Variants in ADCK1 observed in about 807,000 individuals in gnomAD.
ADCK1 encodes the protein aarF domain containing kinase 1.
Under a neutral mutation model 52.3 loss-of-function variants are expected in ADCK1, and 41 were observed. The observed-to-expected ratio is 0.78, with a 90% CI of 0.61 to 1.02. The LOEUF (loss-of-function observed/expected upper bound fraction) is 1.02. Among genes scored for constraint, ADCK1 ranks in the 50% least tolerant of loss-of-function variants. The probability of loss-of-function intolerance (pLI) is 0.00; values close to 1 mark genes in which losing one functional copy is unlikely to be tolerated. For missense variants in ADCK1, 658 were observed against 679.5 expected, an observed-to-expected ratio of 0.97 and a Z score of 0.35; for synonymous variants, 250 against 274.6, an observed-to-expected ratio of 0.91 and a Z score of 0.89.
At chr14:77,813,930 G>C (rs2081386971) in intron 1 of ADCK1, among the ~76,000 whole-genome samples, 1 of 151,800 alleles carries the variant, frequency 6.6e-6, no homozygotes, top group South Asian at 2.1e-4. Flanking sequence ...ACAACACCCG[G>C]CTAACTTTTG....
Position 77,808,606 on chromosome 14 carries a change from G to A in ADCK1, c.-12+8436G>A, listed in dbSNP as rs570784551. Among the ~76,000 whole-genome samples the A allele has an allele frequency of 9.9e-5, 15 of 152,232 alleles. 1 individual carries two copies. The East Asian group carries it at 1.9e-3, about 20-fold the overall frequency. On this transcript the variant is annotated intron_variant, in intron 1 of 10. Coordinates refer to ENST00000238561, the MANE Select transcript of ADCK1 (RefSeq NM_020421.4). ...TTAATTTATTTTGAGACAGGGTTTC[G>A]TTCTTGTTGCCCAGGCTGGAGTGCA...
chr14:77,931,557 C>A lies in ADCK1; in HGVS notation c.1246C>A (p.Gln416Lys), dbSNP rs547081408. 3 of 1,613,982 alleles carry A rather than the reference C, an allele frequency of 1.9e-6. No individual in the cohort carries two copies. The highest frequency in any genetic ancestry group is 1.3e-5 in the African/African-American group (1 of 74,946). Residue 416 changes from glutamine to lysine, a missense_variant, in exon 10 of 11, where the codon CAG becomes AAG. Gln to Lys is a moderately conservative substitution (Grantham distance 53, BLOSUM62 1). Coordinates refer to ENST00000238561, the MANE Select transcript of ADCK1 (RefSeq NM_020421.4). ...CAACAACGCGGCCAACTACCTCCCC[C>A]AGATCAGCCATCTCCTCAACCACGT... ...IRNNAANYLP[Q>K]ISHLLNHVPR... is the part of the protein sequence containing the mutation.
At chr14:77,812,132 G>A (rs2081349407) in intron 1 of ADCK1, among the ~76,000 whole-genome samples, 1 of 152,138 alleles carries the variant, frequency 6.6e-6, no homozygotes, top group Admixed American at 6.6e-5. Flanking sequence ...TTTTGTGTGT[G>A]TGTGGTGAGG....
chr14:77,849,747 C>T lies in ADCK1; in HGVS notation c.220-9329C>T, dbSNP rs368331470. Among the ~76,000 whole-genome samples, 159 of 152,224 alleles carry T rather than the reference C, an allele frequency of 1.0e-3. 4 individuals carry two copies. In the South Asian group the frequency reaches 0.03, roughly 29 times the overall value. ...GATTACAGGCATGAGCCACTGAGCC[C>T]GGCCTTGGTTTTCAAATATTTGGGA... On this transcript the variant is annotated intron_variant, in intron 3 of 10. Coordinates refer to ENST00000238561, the MANE Select transcript of ADCK1 (RefSeq NM_020421.4).
Position 77,887,092 on chromosome 14 carries a change from T to C in ADCK1, c.425T>C (p.Ile142Thr), listed in dbSNP as rs1412911562. 12 of 1,581,368 alleles carry C rather than the reference T, an allele frequency of 7.6e-6. No homozygotes were observed. The highest frequency in any genetic ancestry group is 9.4e-6 in the Non-Finnish European group (11 of 1,164,634). ...QVIREDLGKE[I>T]HDLFQSFDDT... ...CTCTGTTCTCTCCACTCCCGACAGA[T>C]CCATGATTTGTTCCAGAGCTTCGAT... is the stretch of plus-strand genomic sequence containing the variant. Residue 142 changes from isoleucine (I) to threonine (T), a missense_variant and splice_region_variant, in exon 5 of 11, where the codon ATC (isoleucine) becomes ACC (threonine). Ile to Thr is a moderately conservative substitution (Grantham distance 89). Coordinates refer to ENST00000238561, the MANE Select transcript of ADCK1 (RefSeq NM_020421.4).
At chr14:77,828,434 G>A (rs2081767035) in intron 3 of ADCK1, among the ~76,000 whole-genome samples, 1 of 152,182 alleles carries the variant, frequency 6.6e-6, no homozygotes, top group Admixed American at 6.5e-5. Flanking sequence ...TCATTTTAAT[G>A]AACATGTTAA....
chr14:77,886,002 AGAAG>A (rs2083138470), intron 4 of ADCK1, among the ~76,000 whole-genome samples: 2 of 152,212 alleles, frequency 1.3e-5, no homozygotes, highest in Non-Finnish European at 1.5e-5. Flanking sequence ...GGAAGAAAGA[AGAAG>A]GAAGAGTGAG....
chr14:77,921,158 TC>T (rs2084041407), intron 7 of ADCK1, among the ~76,000 whole-genome samples: 2 of 150,546 alleles, frequency 1.3e-5, no homozygotes, highest in African/African-American at 4.9e-5. Flanking sequence ...AAACCCTGTC[TC>T]TACTAAAAAT....
rs1354759018 is a variant in ADCK1 at position 77,852,652 on chromosome 14, AATAAATAAATATATATAT to A, written c.220-6420_220-6403del. Among the ~76,000 whole-genome samples the A allele has an allele frequency of 6.9e-3, 224 of 32,606 alleles. 9 individuals are homozygous for A. The Middle Eastern group carries it at 0.14, about 20-fold the overall frequency. The allele number at this position is 32,606 out of a possible 152,430, so 21.4% of individuals were successfully genotyped here. ...AAAAATTTCAGCCATTATTTCTTTAAATAAATAAATATATATATATATATATATATATATATATATATA... is the reference window on the plus strand; with the variant it reads ...AAAAATTTCAGCCATTATTTCTTTAAATATATATATATATATATATATATA... On this transcript the variant is annotated intron_variant, in intron 3 of 10. Coordinates refer to ENST00000238561, the MANE Select transcript of ADCK1 (RefSeq NM_020421.4).
chr14:77,849,679 T>G (rs958770718), intron 3 of ADCK1, among the ~76,000 whole-genome samples: 1 of 152,038 alleles, frequency 6.6e-6, no homozygotes, highest in Non-Finnish European at 1.5e-5. Flanking sequence ...CTCGAACTCC[T>G]GGCCTCAGGT....
At chr14:77,839,737 C>T (rs1246875460) in intron 3 of ADCK1, among the ~76,000 whole-genome samples, 2 of 151,682 alleles carry the variant, frequency 1.3e-5, no homozygotes, top group Admixed American at 1.3e-4. Flanking sequence ...AGTTTGAGAC[C>T]AGCTTGGGCA....
chr14:77,814,080 T>A (rs562086176), intron 1 of ADCK1, among the ~76,000 whole-genome samples: 4 of 151,290 alleles, frequency 2.6e-5, no homozygotes, highest in African/African-American at 9.8e-5. Context: ...ATTTTTTTTT[T>A]TAAATTTTAT....
At chr14:77,825,648 T>TTTC (rs1348958313) in intron 3 of ADCK1, among the ~76,000 whole-genome samples, 2 of 151,724 alleles carry the variant, frequency 1.3e-5, no homozygotes, top group East Asian at 3.9e-4. Flanking sequence ...AGGTTTTTTT[T>TTTC]TTTTTTTTTG....
At chr14:77,850,436 C>T (rs982839628) in intron 3 of ADCK1, among the ~76,000 whole-genome samples, 4 of 152,076 alleles carry the variant, frequency 2.6e-5, no homozygotes, top group African/African-American at 4.8e-5. Context: ...TTTCTCTTTG[C>T]AGTTTCATTA....
intron 4 of ADCK1, among the ~76,000 whole-genome samples, chr14:77,869,106 T>C (rs187782423): frequency 1.3e-5 from 2 of 152,172 alleles, no homozygotes; most frequent in African/African-American, 4.8e-5. Flanking sequence ...GGTAATTCAA[T>C]GCCCAGAGAG....
Position 77,819,516 on chromosome 14 carries a change from A to G in ADCK1, c.135+403A>G, listed in dbSNP as rs539748279. ...TGATTAAATTCTACTAGAAAACTCAATCCCTCTCCAGTGAGCTAGGATGAA... is the reference window on the plus strand; with the variant it reads ...TGATTAAATTCTACTAGAAAACTCAGTCCCTCTCCAGTGAGCTAGGATGAA... On this transcript the variant is annotated intron_variant, in intron 2 of 10. Coordinates refer to ENST00000238561, the MANE Select transcript of ADCK1 (RefSeq NM_020421.4). 4.6e-5 allele frequency among the ~76,000 whole-genome samples: 7 copies of G among 152,316 alleles called. No individual in the cohort carries two copies. In the South Asian group the frequency reaches 8.3e-4, roughly 18 times the overall value.
chr14:77,907,780 T>C, intron 6 of ADCK1, 23 bp from the exon 7 acceptor site: 1 of 1,585,570 alleles, frequency 6.3e-7, no homozygotes, highest in Non-Finnish European at 8.6e-7. Context: ...CCAGACCATC[T>C]GACCTGTCCC....
At chr14:77,880,449 G>C (rs2082998035) in intron 4 of ADCK1, among the ~76,000 whole-genome samples, 1 of 152,220 alleles carries the variant, frequency 6.6e-6, no homozygotes, top group Admixed American at 6.5e-5. Flanking sequence ...TGGAACCCCA[G>C]AAAGAACACA....
At chr14:77,912,629 G>A (rs930285534) in intron 7 of ADCK1, among the ~76,000 whole-genome samples, 14 of 152,102 alleles carry the variant, frequency 9.2e-5, no homozygotes, top group African/African-American at 3.4e-4. Context: ...GAGGTACAAG[G>A]GCTAGATAGG....
Sources: gnomAD v4.1 joint callset for allele counts (sites outside exome capture counted in the v4.1 genomes callset) on GRCh38, gnomAD v4.1.1 for gene constraint, MANE v1.5 for transcripts, NCBI Gene and HGNC (gene_info 2026-07-23, HGNC 2026-07-21) for gene names.